SLC9D1: variants seen among roughly 807,000 people sequenced by gnomAD.
SLC9D1 encodes solute carrier family 9 member D1, also known as putative LAG1-interacting protein.
the SLC9D1 span, chr13:113,498,468 G>A: frequency 6.3e-7 from 1 of 1,593,732 alleles, no homozygotes; most frequent in Non-Finnish European, 8.5e-7. Context: ...AAGAAAGGCA[G>A]CGGATCGTCT....
At chr13:113,540,770 C>T in the SLC9D1 span, among the ~76,000 whole-genome samples, 22 of 152,324 alleles carry the variant, frequency 1.4e-4, 1 homozygote, top group South Asian at 4.1e-3. Flanking sequence ...GTTGCGATTG[C>T]GTTTGTAGTC....
the SLC9D1 span, chr13:113,548,501 C>T: frequency 6.4e-7 from 1 of 1,565,178 alleles, no homozygotes; most frequent in Non-Finnish European, 8.6e-7. Context: ...ACGGGCTGCA[C>T]TCTGGGTTTG....
the SLC9D1 span, among the ~76,000 whole-genome samples, chr13:113,521,075 G>T: frequency 2.6e-5 from 4 of 152,290 alleles, no homozygotes; most frequent in South Asian, 2.1e-4. Flanking sequence ...GGAGGGAGGG[G>T]GGTGTCTGTA....
At chr13:113,525,760 C>T in the SLC9D1 span, among the ~76,000 whole-genome samples, 18 of 151,640 alleles carry the variant, frequency 1.2e-4, no homozygotes, top group Middle Eastern at 3.4e-3. Context: ...AAGCCATCGT[C>T]GTCGTAGGAG....
the SLC9D1 span, among the ~76,000 whole-genome samples, chr13:113,540,628 G>C: frequency 6.6e-6 from 1 of 152,216 alleles, no homozygotes; most frequent in African/African-American, 2.4e-5. Flanking sequence ...ATAGATTATA[G>C]ATATAAGACC....
the SLC9D1 span, among the ~76,000 whole-genome samples, chr13:113,519,346 G>A: frequency 5.5e-5 from 7 of 128,416 alleles, no homozygotes; most frequent in Non-Finnish European, 9.6e-5. Flanking sequence ...GCGCCCAGCC[G>A]CTTTTTTTTT....
the SLC9D1 span, among the ~76,000 whole-genome samples, chr13:113,540,044 G>A: frequency 2.6e-5 from 4 of 152,182 alleles, no homozygotes; most frequent in Non-Finnish European, 5.9e-5. Flanking sequence ...TGCAAAGGAC[G>A]TGATTTCATT....
the SLC9D1 span, among the ~76,000 whole-genome samples, chr13:113,508,454 A>G: frequency 1.3e-5 from 2 of 152,204 alleles, no homozygotes; most frequent in East Asian, 3.8e-4. Flanking sequence ...CGGAAGAGGA[A>G]GGGTGTGAGA....
chr13:113,522,846 G>C, the SLC9D1 span, among the ~76,000 whole-genome samples: 1 of 151,834 alleles, frequency 6.6e-6, no homozygotes, highest in African/African-American at 2.4e-5. Flanking sequence ...TGGCCAGGCT[G>C]GTCTTGAACT....
At chr13:113,539,859 CCCT>C in the SLC9D1 span, among the ~76,000 whole-genome samples, 44 of 152,212 alleles carry the variant, frequency 2.9e-4, no homozygotes, top group East Asian at 8.1e-3. This position sits in a 1 kb window ranked among gnomAD's most constrained non-coding sequence, Gnocchi z 4.8. Context: ...TTAATCCTCA[CCCT>C]CCTCCTCCCA....
the SLC9D1 span, chr13:113,495,559 G>C: frequency 6.6e-7 from 1 of 1,512,580 alleles, no homozygotes; most frequent in South Asian, 1.3e-5. Context: ...GGATTGCTGT[G>C]CCCTGCCCTC....
At chr13:113,507,568 C>T in the SLC9D1 span, among the ~76,000 whole-genome samples, 6 of 152,310 alleles carry the variant, frequency 3.9e-5, no homozygotes, top group East Asian at 1.9e-4. Flanking sequence ...CCCGAAACTG[C>T]GCCGTGCATA....
the SLC9D1 span, chr13:113,523,986 G>T: frequency 2.6e-6 from 1 of 391,038 alleles, no homozygotes; most frequent in Non-Finnish European, 5.2e-6. Context: ...CATTTTGTAT[G>T]ATTTCAGTTC....
At chr13:113,515,457 G>A in the SLC9D1 span, among the ~76,000 whole-genome samples, 1 of 152,320 alleles carries the variant, frequency 6.6e-6, no homozygotes, top group Non-Finnish European at 1.5e-5. Flanking sequence ...GAGATGGGGA[G>A]GCATGCCATC....
the SLC9D1 span, chr13:113,549,780 A>T: frequency 1.5e-6 from 1 of 685,502 alleles, no homozygotes. Flanking sequence ...ACTGCGTTTT[A>T]CCGATCACCT....
At chr13:113,491,568 C>T in the SLC9D1 span, among the ~76,000 whole-genome samples, 10 of 152,128 alleles carry the variant, frequency 6.6e-5, no homozygotes, top group South Asian at 2.1e-4. Flanking sequence ...CTCCTCGGGG[C>T]TCCCCTTTTC....
chr13:113,496,002 G>A, the SLC9D1 span: 9 of 1,611,696 alleles, frequency 5.6e-6, no homozygotes, highest in Non-Finnish European at 7.6e-6. Flanking sequence ...GCGCCTGGAG[G>A]CCCTGAGAGA....
At chr13:113,524,757 T>G in the SLC9D1 span, among the ~76,000 whole-genome samples, 3 of 152,218 alleles carry the variant, frequency 2.0e-5, no homozygotes, top group Non-Finnish European at 4.4e-5. Context: ...TACTTTTCCT[T>G]TCAACTTATG....
chr13:113,496,023 A>T, the SLC9D1 span: 1 of 1,605,656 alleles, frequency 6.2e-7, no homozygotes, highest in Non-Finnish European at 8.5e-7. Flanking sequence ...GGCTGCAATA[A>T]AGGTCAGTCC....
Sources: gnomAD v4.1 joint callset for allele counts (sites outside exome capture counted in the v4.1 genomes callset) on GRCh38, gnomAD v4.1.1 for gene constraint, Gnocchi (gnomAD v3.1) non-coding constraint, MANE v1.5 for transcripts, NCBI Gene and HGNC (gene_info 2026-07-23, HGNC 2026-07-21) for gene names.